Variants in OXR1 observed in about 807,000 individuals in gnomAD.
The protein encoded by OXR1 is oxidation resistance protein 1.
In OXR1, 41 loss-of-function variants were observed where a neutral mutation model predicts 104.6. The observed-to-expected ratio is 0.39, with a 90% CI of 0.31 to 0.51. OXR1 has a LOEUF of 0.51. Ranked by LOEUF, OXR1 falls within the 20% of genes least tolerant of loss-of-function variation. The pLI, the probability that OXR1 is intolerant of heterozygous loss-of-function variation, is 0.77. For missense variants in OXR1, 955 were observed against 1,031.9 expected (o/e 0.93, Z 1.02); for synonymous variants, 348 against 348.4 (o/e 1.00, Z 0.01).
chr8:106,650,137 T>C (rs192948951), intron 3 of OXR1, among the ~76,000 whole-genome samples: 5 of 152,312 alleles, frequency 3.3e-5, no homozygotes, highest in Admixed American at 2.0e-4. Context: ...GATAAGGTAT[T>C]TTATAGGAAG....
At chr8:106,417,585 T>C (rs1818730134) in intron 2 of OXR1, among the ~76,000 whole-genome samples, 1 of 152,132 alleles carries the variant, frequency 6.6e-6, no homozygotes, top group South Asian at 2.1e-4. Flanking sequence ...GTTTCTATAA[T>C]AACATAATGC....
At chr8:106,427,277 C>A (rs1273059626) in intron 2 of OXR1, among the ~76,000 whole-genome samples, 2 of 152,098 alleles carry the variant, frequency 1.3e-5, no homozygotes, top group Non-Finnish European at 2.9e-5. Flanking sequence ...TGTCATTCTC[C>A]TGCCTCAGCC....
intron 2 of OXR1, among the ~76,000 whole-genome samples, chr8:106,450,054 T>C (rs1468922342): frequency 1.3e-5 from 2 of 152,246 alleles, no homozygotes; most frequent in African/African-American, 2.4e-5. Context: ...GAGCTTTGCA[T>C]TGATGCATAA....
Position 106,594,148 on chromosome 8 carries a change from G to A in OXR1, c.220+75009G>A, listed in dbSNP as rs1819332013. 3.3e-5 allele frequency among the ~76,000 whole-genome samples: 5 copies of A among 152,090 alleles called. No homozygotes were observed. In the South Asian group the frequency reaches 1.0e-3, roughly 32 times the overall value. On this transcript the variant is annotated intron_variant, in intron 3 of 16. Transcript: ENST00000517566. The stretch of plus-strand genomic sequence containing the variant: ...TTCAGCAAAGGTCACAATATCCAGG[G>A]GAAGTAAAATATAAGGGTGTATTCA...
intron 4 of OXR1, 137 bp from the exon 5 acceptor site, chr8:106,683,062 C>T (rs1383565106): frequency 1.9e-6 from 1 of 515,886 alleles, no homozygotes; most frequent in Non-Finnish European, 3.4e-6. Context: ...TGTTTCTTGA[C>T]AGTTATTTTC....
Position 106,358,573 on chromosome 8 carries a change from G to C in OXR1, c.-138-903G>C, listed in dbSNP as rs571760936. On this transcript the variant is annotated intron_variant, in intron 1 of 16. Coordinates refer to ENST00000517566, the MANE Select transcript of OXR1 (RefSeq NM_001198533.2). ...CTGAGCTAAAGCTAGGATAGTGTAC[G>C]TTCACATAGGATATGCTCAATAGGT... Among the ~76,000 whole-genome samples the C allele has an allele frequency of 2.6e-5, 4 of 152,266 alleles. No homozygotes were observed. In the East Asian group the frequency reaches 7.7e-4, roughly 29 times the overall value.
At chr8:106,274,769 G>A (rs1413602237) in intron 1 of OXR1, among the ~76,000 whole-genome samples, 3 of 152,120 alleles carry the variant, frequency 2.0e-5, no homozygotes, top group African/African-American at 7.2e-5. Flanking sequence ...TACTGAATTG[G>A]TTTGTTCAAT....
chr8:106,722,307 C>T (rs987389325), intron 11 of OXR1, among the ~76,000 whole-genome samples: 6 of 151,826 alleles, frequency 4.0e-5, no homozygotes, highest in South Asian at 2.1e-4. Flanking sequence ...TCACATTTCT[C>T]AGATAAAGGG....
chr8:106,306,122 T>G (rs1295904924), intron 1 of OXR1, among the ~76,000 whole-genome samples: 1 of 151,982 alleles, frequency 6.6e-6, no homozygotes, highest in East Asian at 1.9e-4. Context: ...ATTATACACA[T>G]TAGTTTAAGT....
chr8:106,531,342 T>C (rs767315412), intron 3 of OXR1, among the ~76,000 whole-genome samples: 2 of 152,228 alleles, frequency 1.3e-5, no homozygotes, highest in Non-Finnish European at 2.9e-5. Flanking sequence ...ATTAGGCATA[T>C]AGAGGCAGCT....
At position 106,288,512 on chromosome 8, in the gene OXR1, G is replaced by A. The variant is rs75487021; in HGVS notation, c.-139+18145G>A. On this transcript the variant is annotated intron_variant, in intron 1 of 16. Transcript: ENST00000517566. ...ACCTCCCTTGACAACCTAAATATGT[G>A]TGTGTATATATATATGTATGTGTGT... Among the ~76,000 whole-genome samples the A allele has an allele frequency of 1.5e-3, 197 of 129,266 alleles. 1 individual carries two copies. The highest frequency in any genetic ancestry group is 6.6e-3 in the African/African-American group (193 of 29,122). The allele number at this position is 129,266 out of a possible 152,430, so 84.8% of individuals were successfully genotyped here.
chr8:106,276,264 C>G (rs1339584430), intron 1 of OXR1, among the ~76,000 whole-genome samples: 2 of 152,136 alleles, frequency 1.3e-5, no homozygotes, highest in African/African-American at 4.8e-5. Flanking sequence ...CCCCACTGAC[C>G]AAAACACTGA....
intron 3 of OXR1, among the ~76,000 whole-genome samples, chr8:106,570,225 G>T (rs1374956495): frequency 6.6e-6 from 1 of 152,110 alleles, no homozygotes; most frequent in African/African-American, 2.4e-5. Context: ...CTCCATACTT[G>T]TGATTTTCTT....
intron 1 of OXR1, among the ~76,000 whole-genome samples, chr8:106,276,543 T>A (rs1283425032): frequency 1.3e-5 from 2 of 152,204 alleles, no homozygotes; most frequent in African/African-American, 4.8e-5. Context: ...AAAATGAAGA[T>A]AATTATGAAG....
rs1434435497 is a variant in OXR1, at chr8:106,751,439, AATAC to A, written c.*503_*506del. 6.5e-6 allele frequency: 1 copy of A among 152,712 alleles called. No individual in the cohort carries two copies. The highest frequency in any genetic ancestry group is 1.5e-5 in the Non-Finnish European group (1 of 68,092). The allele number at this position is 152,712 out of a possible 1,614,324, so 9.5% of individuals were successfully genotyped here. On this transcript the variant is annotated 3_prime_UTR_variant, in exon 17 of 17. Transcript: ENST00000517566. ...GAAGGAAAAAATCACTTGCCAAAAT[AATAC>A]ATACTTCATAGACCACTGAGTTCTA... is the stretch of plus-strand genomic sequence containing the variant.
At chr8:106,704,532 A>C (rs1830950307) in intron 8 of OXR1, among the ~76,000 whole-genome samples, 1 of 150,218 alleles carries the variant, frequency 6.7e-6, no homozygotes, top group Admixed American at 6.7e-5. Context: ...CGAGTAGCTG[A>C]GAATACAGAC....
intron 6 of OXR1, among the ~76,000 whole-genome samples, chr8:106,691,621 T>C (rs1237162358): frequency 1.7e-4 from 3 of 17,800 alleles, no homozygotes; most frequent in Non-Finnish European, 3.8e-4. Flanking sequence ...TATATATACA[T>C]ATATATATAT....
rs73698908 is a variant in OXR1 at position 106,377,004 on chromosome 8, C to T, written c.23+17368C>T. ...ACTGTATATGCTATGTCTAATGTAACATTTTCCTAATTGTGTTCCACAGAA... is the reference window on the plus strand; with the variant it reads ...ACTGTATATGCTATGTCTAATGTAATATTTTCCTAATTGTGTTCCACAGAA... On this transcript the variant is annotated intron_variant, in intron 2 of 16. Transcript: ENST00000517566. 7.5e-3 allele frequency among the ~76,000 whole-genome samples: 1,146 copies of T among 152,258 alleles called. 17 individuals carry two copies. Among genetic ancestry groups the T allele is most frequent in the African/African-American group, 0.025 (1,054 of 41,536 alleles).
At chr8:106,548,536 T>C (rs2130387015) in intron 3 of OXR1, among the ~76,000 whole-genome samples, 1 of 152,314 alleles carries the variant, frequency 6.6e-6, no homozygotes, top group South Asian at 2.1e-4. Flanking sequence ...TTATAATATA[T>C]AAAAAGCTCA....
Sources: gnomAD v4.1 joint callset for allele counts (sites outside exome capture counted in the v4.1 genomes callset) on GRCh38, gnomAD v4.1.1 for gene constraint, MANE v1.5 for transcripts, NCBI Gene and HGNC (gene_info 2026-07-23, HGNC 2026-07-21) for gene names.